LYPD6: variants seen among roughly 807,000 people sequenced by gnomAD.
LYPD6 encodes ly6/PLAUR domain-containing protein 6.
Under a neutral mutation model 22.7 loss-of-function variants are expected in LYPD6, and 15 were observed. That is an observed-to-expected ratio of 0.66 (90% CI 0.44 to 1.02). The LOEUF (loss-of-function observed/expected upper bound fraction) is 1.02. Among genes scored for constraint, LYPD6 ranks in the 50% least tolerant of loss-of-function variants. The pLI, the probability that LYPD6 is intolerant of heterozygous loss-of-function variation, is 0.00. For missense variants in LYPD6, 189 were observed against 208.4 expected (o/e 0.91, Z 0.57); for synonymous variants, 72 against 77.5 (o/e 0.93, Z 0.37).
At chr2:149,457,037 A>G (rs1210143748) in intron 3 of LYPD6, among the ~76,000 whole-genome samples, 3 of 152,212 alleles carry the variant, frequency 2.0e-5, no homozygotes, top group Non-Finnish European at 2.9e-5. Context: ...TGACATTTTT[A>G]CAGCGTGTTT....
intron 1 of LYPD6, among the ~76,000 whole-genome samples, chr2:149,429,915 A>G (rs1232330469): frequency 6.6e-6 from 1 of 152,120 alleles, no homozygotes; most frequent in Non-Finnish European, 1.5e-5. Context: ...TCAGAGTTTC[A>G]GCACAATTAT....
At chr2:149,379,950 A>C (rs1345155349) in intron 1 of LYPD6, among the ~76,000 whole-genome samples, 1 of 152,216 alleles carries the variant, frequency 6.6e-6, no homozygotes, top group African/African-American at 2.4e-5. Flanking sequence ...AGTACTGTAG[A>C]GAACTCCCTC....
At chr2:149,452,933 TGTGATATAAGGGC>T (rs1454083199) in intron 3 of LYPD6, among the ~76,000 whole-genome samples, 1 of 152,190 alleles carries the variant, frequency 6.6e-6, no homozygotes, top group African/African-American at 2.4e-5. Flanking sequence ...TCAGAAGGTG[TGTGATATAAGGGC>T]GTTCTCCTCC....
At chr2:149,426,012 A>G (rs1683181361) in intron 1 of LYPD6, among the ~76,000 whole-genome samples, 1 of 152,242 alleles carries the variant, frequency 6.6e-6, no homozygotes, top group Admixed American at 6.5e-5. Context: ...AACATTCATT[A>G]TCAAGTGAGA....
intron 1 of LYPD6, among the ~76,000 whole-genome samples, chr2:149,392,815 G>A (rs892849263): frequency 1.4e-4 from 22 of 152,246 alleles, no homozygotes; most frequent in African/African-American, 5.1e-4. Context: ...CACAAGGTCC[G>A]GAGTTCAAGA....
intron 1 of LYPD6, among the ~76,000 whole-genome samples, chr2:149,362,674 A>G (rs1681594001): frequency 6.6e-6 from 1 of 152,110 alleles, no homozygotes; most frequent in Non-Finnish European, 1.5e-5. Flanking sequence ...ATCCCATGGC[A>G]GAAGGTAGAA....
intron 1 of LYPD6, among the ~76,000 whole-genome samples, chr2:149,379,126 G>T (rs945852967): frequency 6.6e-6 from 1 of 152,168 alleles, no homozygotes; most frequent in African/African-American, 2.4e-5. Context: ...GTTCAAGCAG[G>T]CAGGAGGGCT....
At chr2:149,466,338 T>C (rs902835723) in intron 3 of LYPD6, among the ~76,000 whole-genome samples, 4 of 152,200 alleles carry the variant, frequency 2.6e-5, no homozygotes, top group African/African-American at 9.6e-5. Flanking sequence ...TTTTGTAAGA[T>C]AAGAAGTGGA....
intron 1 of LYPD6, among the ~76,000 whole-genome samples, chr2:149,370,263 T>C (rs1297890469): frequency 6.6e-6 from 1 of 152,138 alleles, no homozygotes; most frequent in Non-Finnish European, 1.5e-5. Context: ...AGGCCAGGAC[T>C]CCTTATAGGA....
At chr2:149,399,509 G>T (rs1182732116) in intron 1 of LYPD6, among the ~76,000 whole-genome samples, 1 of 151,828 alleles carries the variant, frequency 6.6e-6, no homozygotes, top group East Asian at 1.9e-4. Context: ...TTATATTTGG[G>T]GTAGGGTCTC....
At chr2:149,485,123 G>C in the LYPD6 span, among the ~76,000 whole-genome samples, 2 of 152,096 alleles carry the variant, frequency 1.3e-5, no homozygotes, top group Non-Finnish European at 2.9e-5. Context: ...AAAAGGATTC[G>C]TAGCACAAGT....
chr2:149,412,797 G>T (rs1168713233), intron 1 of LYPD6, among the ~76,000 whole-genome samples: 3 of 152,068 alleles, frequency 2.0e-5, no homozygotes, highest in Non-Finnish European at 4.4e-5. Context: ...GATCCAAACT[G>T]CCTTTTGTGG....
intron 2 of LYPD6, among the ~76,000 whole-genome samples, chr2:149,442,799 G>A (rs1404081708): frequency 6.6e-6 from 1 of 152,124 alleles, no homozygotes; most frequent in Non-Finnish European, 1.5e-5. Flanking sequence ...TCCACTGAAA[G>A]CAGTATGTTT....
At chr2:149,456,167 G>T (rs1385351462) in intron 3 of LYPD6, among the ~76,000 whole-genome samples, 3 of 152,172 alleles carry the variant, frequency 2.0e-5, no homozygotes, top group Non-Finnish European at 2.9e-5. Context: ...ACTAATTAGG[G>T]TAAGTTTAAA....
chr2:149,455,114 C>T lies in LYPD6; in HGVS notation c.217+5967C>T, dbSNP rs146577393. On this transcript the variant is annotated intron_variant, in intron 3 of 4. Coordinates refer to ENST00000334166, the MANE Select transcript of LYPD6 (RefSeq NM_194317.5). ...TACCTTGCTCTTTAAATCCAGTCTA[C>T]AATGGCAGGCCTGTGCTTTCACACA... 1.4e-4 allele frequency among the ~76,000 whole-genome samples: 22 copies of T among 152,276 alleles called. No homozygotes were observed. In the East Asian group the frequency reaches 4.2e-3, roughly 29 times the overall value.
At chr2:149,345,193 C>T (rs1005384803) in intron 1 of LYPD6, among the ~76,000 whole-genome samples, 1 of 152,072 alleles carries the variant, frequency 6.6e-6, no homozygotes, top group East Asian at 1.9e-4. Flanking sequence ...CGTGAATTCT[C>T]TGAAAGTAAA....
chr2:149,406,754 T>C (rs1206221930), intron 1 of LYPD6, among the ~76,000 whole-genome samples: 1 of 151,822 alleles, frequency 6.6e-6, no homozygotes, highest in Non-Finnish European at 1.5e-5. Context: ...TATTGTTATG[T>C]GTGAATTTGA....
chr2:149,462,973 T>C (rs1681119779), intron 3 of LYPD6, among the ~76,000 whole-genome samples: 1 of 151,996 alleles, frequency 6.6e-6, no homozygotes, highest in Admixed American at 6.6e-5. Context: ...TTCATAAATC[T>C]AGGGCTAGGT....
At chr2:149,387,107 A>G (rs1453585096) in intron 1 of LYPD6, among the ~76,000 whole-genome samples, 2 of 152,194 alleles carry the variant, frequency 1.3e-5, no homozygotes, top group Non-Finnish European at 1.5e-5. Flanking sequence ...CTCTCTAGCA[A>G]TATCAAAGTG....
Sources: gnomAD v4.1 joint callset for allele counts (sites outside exome capture counted in the v4.1 genomes callset) on GRCh38, gnomAD v4.1.1 for gene constraint, MANE v1.5 for transcripts, NCBI Gene and HGNC (gene_info 2026-07-23, HGNC 2026-07-21) for gene names.